The following TNRC6B variants were observed in gnomAD, a reference collection of about 807,000 sequenced individuals.
TNRC6B encodes the protein trinucleotide repeat containing adaptor 6B, also known as trinucleotide repeat-containing gene 6B protein.
TNRC6B carries 52 observed loss-of-function variants against 203.6 expected under a neutral mutation model. That is an observed-to-expected ratio of 0.26 (90% CI 0.20 to 0.32). The LOEUF (loss-of-function observed/expected upper bound fraction) is 0.32, where lower values mean the gene tolerates loss of function less well. TNRC6B is among the 10% of genes least tolerant of loss of function. The probability of loss-of-function intolerance (pLI) is 1.00; values close to 1 mark genes in which losing one functional copy is unlikely to be tolerated. For missense variants in TNRC6B, 1,923 were observed against 2,286.2 expected (o/e 0.84, Z 3.24); for synonymous variants, 838 against 845.7 (o/e 0.99, Z 0.16).
At chr22:40,125,806 A>C (rs772874544) in exon 3 of TNRC6B, 1 of 1,610,338 alleles carries the variant, frequency 6.2e-7, no homozygotes, top group South Asian at 1.1e-5. Flanking sequence ...GTTTTGCACA[A>C]AATCTGTTCC....
At chr22:40,132,969 A>AATATATATATATATATATATATATAT (rs1166468730) in intron 3 of TNRC6B, among the ~76,000 whole-genome samples, 13 of 78,138 alleles carry the variant, frequency 1.7e-4, no homozygotes, top group Middle Eastern at 6.6e-3. Context: ...AAAAAAAAAA[A>AATATATATATATATATATATATATAT]ATATATATAT....
chr22:40,248,725 G>A (rs992713514), intron 2 of TNRC6B, among the ~76,000 whole-genome samples: 2 of 152,032 alleles, frequency 1.3e-5, no homozygotes, highest in African/African-American at 4.8e-5. Context: ...GATAGCAAAG[G>A]GGAAAATTAC....
intron 3 of TNRC6B, among the ~76,000 whole-genome samples, chr22:40,126,546 G>A (rs1258282978): frequency 6.8e-6 from 1 of 146,488 alleles, no homozygotes; most frequent in South Asian, 2.2e-4. Flanking sequence ...ATGGCCTTCA[G>A]CTGTATCCCT....
chr22:40,178,089 C>T lies in TNRC6B; in HGVS notation c.-47C>T. 6.2e-7 allele frequency: 1 copy of T among 1,601,202 alleles called. No homozygotes were observed. Among genetic ancestry groups the T allele is most frequent in the Non-Finnish European group, 8.5e-7 (1 of 1,176,206 alleles). ...TTTGGACCTTTTTTCATTTCCATTT[C>T]TACCTTGTATGCCTCAATTTGCTGG... On this transcript the variant is annotated 5_prime_UTR_variant, in exon 1 of 23. Coordinates refer to ENST00000454349, the MANE Select transcript of TNRC6B (RefSeq NM_001162501.2).
chr22:40,177,779 A>C, upstream of TNRC6B: 1 of 1,216,964 alleles, frequency 8.2e-7, no homozygotes, highest in Non-Finnish European at 1.0e-6. Context: ...AGATAACAGC[A>C]TTTCACAAAT....
chr22:40,199,255 G>A (rs750478082), intron 1 of TNRC6B, among the ~76,000 whole-genome samples: 4 of 152,112 alleles, frequency 2.6e-5, no homozygotes, highest in African/African-American at 9.7e-5. Context: ...TTCAGCATTT[G>A]AAGAATGGGT....
At chr22:40,236,398 C>T (rs2069948105) in intron 1 of TNRC6B, among the ~76,000 whole-genome samples, 1 of 152,184 alleles carries the variant, frequency 6.6e-6, no homozygotes, top group Admixed American at 6.5e-5. Context: ...CATGGAGATT[C>T]ATCCAAGTTG....
Position 40,177,939 on chromosome 22 carries a change from AGAGAGAGAGCAAGAGGGAGAGTGTGT to A in TNRC6B, c.-187_-162del. ...CTGCTTCCTTTAGAGACAGAGAGGG[AGAGAGAGAGCAAGAGGGAGAGTGTGT>A]GAGAGAGAGTTAGTTCAAGCCAAAA... is the stretch of plus-strand genomic sequence containing the variant. On this transcript the variant is annotated 5_prime_UTR_variant, in exon 1 of 23. Transcript: ENST00000454349. 1.5e-6 allele frequency: 2 copies of A among 1,378,220 alleles called. No homozygotes were observed. The highest frequency in any genetic ancestry group is 1.9e-6 in the Non-Finnish European group (2 of 1,070,180). 85.4% of individuals were successfully genotyped at this position (1,378,220 alleles called of 1,614,324 possible). A position where few individuals can be genotyped will look rare whatever the true frequency, so the allele number is the denominator to read the frequency against.
chr22:40,298,728 A>G (rs2070979271), intron 12 of TNRC6B, among the ~76,000 whole-genome samples: 1 of 151,336 alleles, frequency 6.6e-6, no homozygotes, highest in Non-Finnish European at 1.5e-5. Context: ...GCACTTTGGG[A>G]GGCCGAGGCG....
rs537509363 is a variant in TNRC6B, at chr22:40,090,767, A to G, written c.-120-26288A>G. ...ATCCTATAAACAGTGACCAGTAGCA[A>G]TGTGTAACCCTAGTCCCCAAATTGT... is the stretch of plus-strand genomic sequence containing the variant. On this transcript the variant is annotated intron_variant, in intron 1 of 23. Transcript: ENST00000301923. Among the ~76,000 whole-genome samples the G allele has an allele frequency of 3.3e-5, 5 of 152,176 alleles. No individual in the cohort carries two copies. In the East Asian group the frequency reaches 5.8e-4, roughly 18 times the overall value.
chr22:40,187,221 C>T (rs1041035591), intron 1 of TNRC6B, among the ~76,000 whole-genome samples: 1 of 152,166 alleles, frequency 6.6e-6, no homozygotes, highest in South Asian at 2.1e-4. Flanking sequence ...CGGATGTGCA[C>T]TCTGAAAATA....
chr22:40,289,095 G>T (rs868663539), intron 12 of TNRC6B, among the ~76,000 whole-genome samples: 1 of 152,094 alleles, frequency 6.6e-6, no homozygotes, highest in African/African-American at 2.4e-5. Flanking sequence ...GATTACAGGC[G>T]TGAGCCACCG....
chr22:40,255,433 T>A (rs2070258113), intron 3 of TNRC6B, among the ~76,000 whole-genome samples: 1 of 152,174 alleles, frequency 6.6e-6, no homozygotes, highest in Non-Finnish European at 1.5e-5. Flanking sequence ...TTGAGTCTAC[T>A]CTCATTTATT....
At chr22:40,259,594 C>G (rs1422670454) in intron 3 of TNRC6B, among the ~76,000 whole-genome samples, 1 of 152,156 alleles carries the variant, frequency 6.6e-6, no homozygotes, top group East Asian at 1.9e-4. Flanking sequence ...CTCCACTCCC[C>G]CTCCCCTTAC....
In TNRC6B at chr22:40,224,755, A is replaced by G. The variant is rs111791458; in HGVS notation, c.6-21260A>G. On this transcript the variant is annotated intron_variant, in intron 1 of 22. Coordinates refer to ENST00000454349, the MANE Select transcript of TNRC6B (RefSeq NM_001162501.2). The stretch of plus-strand genomic sequence containing the variant: ...TCCTTCCTCTCTTCCTCCCGTTTAA[A>G]TACTTTATCCATCTGGAGTTTATTT... Among the ~76,000 whole-genome samples the G allele has an allele frequency of 3.4e-4, 52 of 152,076 alleles. 2 individuals are homozygous for G. The highest frequency in any genetic ancestry group is 1.2e-3 in the African/African-American group (51 of 41,442).
At chr22:40,069,847 AAG>A (rs895032640) in intron 1 of TNRC6B, among the ~76,000 whole-genome samples, 2 of 152,170 alleles carry the variant, frequency 1.3e-5, no homozygotes, top group Non-Finnish European at 2.9e-5. Flanking sequence ...CATTTATTAA[AAG>A]AGATTTTCAC....
chr22:40,312,183 T>C (rs377106586), intron 17 of TNRC6B, among the ~76,000 whole-genome samples: 4 of 152,248 alleles, frequency 2.6e-5, no homozygotes, highest in African/African-American at 9.6e-5. Context: ...ATGATTCTTG[T>C]GAACACCAGA....
chr22:40,289,872 A>G (rs1288823079), intron 12 of TNRC6B, among the ~76,000 whole-genome samples: 1 of 152,178 alleles, frequency 6.6e-6, no homozygotes, highest in Non-Finnish European at 1.5e-5. Context: ...CTGCCCTCAA[A>G]AACATCCCCT....
chr22:40,270,313 CTT>C (rs372710238), intron 6 of TNRC6B, 33 bp downstream of exon 6: 65,991 of 1,150,346 alleles, frequency 0.057, no homozygotes, highest in East Asian at 0.083. Context: ...TTGAGGGATC[CTT>C]TTTTTTTTTT....
Sources: gnomAD v4.1 joint callset for allele counts (sites outside exome capture counted in the v4.1 genomes callset) on GRCh38, gnomAD v4.1.1 for gene constraint, MANE v1.5 for transcripts, NCBI Gene and HGNC (gene_info 2026-07-23, HGNC 2026-07-21) for gene names.